DIP2C: variants seen among roughly 807,000 people sequenced by gnomAD.
The protein encoded by DIP2C is DIP2 acetate--CoA ligase C (putative).
A neutral mutation model predicts 192.4 loss-of-function variants in DIP2C; 33 were observed. That is an observed-to-expected ratio of 0.17 (90% CI 0.13 to 0.23). DIP2C has a LOEUF of 0.23. Ranked by LOEUF, DIP2C falls within the 10% of genes least tolerant of loss-of-function variation. The pLI, the probability that DIP2C is intolerant of heterozygous loss-of-function variation, is 1.00. For missense variants in DIP2C, 1,537 were observed against 2,110.1 expected (o/e 0.73, Z 5.32); for synonymous variants, 979 against 864.1 (o/e 1.13, Z -2.33).
intron 29 of DIP2C, among the ~76,000 whole-genome samples, chr10:338,160 G>A (rs1957961787): frequency 6.6e-6 from 1 of 152,240 alleles, no homozygotes; most frequent in Admixed American, 6.5e-5. Context: ...TAAGCTAAGT[G>A]TTTTTATAGA....
intron 1 of DIP2C, among the ~76,000 whole-genome samples, chr10:499,267 C>T (rs953520110): frequency 1.3e-5 from 2 of 152,158 alleles, no homozygotes; most frequent in Non-Finnish European, 2.9e-5. Flanking sequence ...TCGTTGGCAG[C>T]GCAGCCCTGA....
chr10:508,786 TGGCGA>T (rs1471934522), intron 1 of DIP2C, among the ~76,000 whole-genome samples: 1 of 152,170 alleles, frequency 6.6e-6, no homozygotes, highest in African/African-American at 2.4e-5. Context: ...ATACAGGAGA[TGGCGA>T]GACGAGACTG....
chr10:487,555 CCAT>C (rs970236337), intron 1 of DIP2C, among the ~76,000 whole-genome samples: 9 of 148,696 alleles, frequency 6.1e-5, no homozygotes, highest in African/African-American at 2.2e-4. Context: ...CCGCATCCGC[CCAT>C]CAATGAGTGT....
At chr10:448,300 C>CA (rs1439908586) in intron 3 of DIP2C, among the ~76,000 whole-genome samples, 3 of 131,630 alleles carry the variant, frequency 2.3e-5, no homozygotes, top group Admixed American at 7.7e-5. Flanking sequence ...CACAGTGGGT[C>CA]AGCAGGACCC....
At chr10:366,246 T>C in intron 19 of DIP2C, 29 bp downstream of exon 19, 10 of 1,608,540 alleles carry the variant, frequency 6.2e-6, no homozygotes, top group Non-Finnish European at 6.8e-6. Flanking sequence ...CCACAGATGG[T>C]GCCCATGGTA....
At chr10:490,215 TTCC>T (rs1844334288) in intron 1 of DIP2C, among the ~76,000 whole-genome samples, 1 of 152,230 alleles carries the variant, frequency 6.6e-6, no homozygotes, top group South Asian at 2.1e-4. Context: ...TGCCTGGGGC[TTCC>T]TCCATTTCAC....
At chr10:560,178 A>C (rs544953089) in intron 1 of DIP2C, among the ~76,000 whole-genome samples, 1 of 152,288 alleles carries the variant, frequency 6.6e-6, no homozygotes. Context: ...GTGTCCACTG[A>C]TCATCCCTCC....
rs183384983 is a variant in DIP2C, at chr10:515,584, C to T, written c.86-29054G>A. On this transcript the variant is annotated intron_variant, in intron 1 of 36. Coordinates refer to ENST00000280886, the MANE Select transcript of DIP2C (RefSeq NM_014974.3). ...CTAAAAATTTTTGTAATTAGCCAAG[C>T]GTGGTGGCATACACTAATAATCCCG... Among the ~76,000 whole-genome samples, 164 of 152,124 alleles carry T rather than the reference C, an allele frequency of 1.1e-3. 1 individual carries two copies. Among genetic ancestry groups the T allele is most frequent in the Non-Finnish European group, 1.2e-3 (82 of 68,000 alleles).
chr10:288,460 C>G (rs758825231), intron 32 of DIP2C, 39 bp from the exon 33 acceptor site: 1 of 1,608,456 alleles, frequency 6.2e-7, no homozygotes, highest in Admixed American at 1.7e-5. Context: ...GATGTGTTTG[C>G]TGTCCAGTTT....
chr10:547,558 G>A (rs1341384389), intron 1 of DIP2C, among the ~76,000 whole-genome samples: 1 of 152,184 alleles, frequency 6.6e-6, no homozygotes, highest in Non-Finnish European at 1.5e-5. Flanking sequence ...AGGAGGAAGG[G>A]AGGGTGGAGA....
rs184553244 is a variant in DIP2C, at chr10:560,906, C to A, written c.86-74376G>T. ...GGAAACATTCACAATCTATTCTCTT[C>A]AAAGCTACCTGGAGGCATCCCTCCA... On this transcript the variant is annotated intron_variant, in intron 1 of 36. Transcript: ENST00000280886. Among the ~76,000 whole-genome samples, 172 of 152,264 alleles carry A rather than the reference C, an allele frequency of 1.1e-3. 1 individual carries two copies. The East Asian group carries it at 0.031, about 27-fold the overall frequency.
chr10:436,085 G>A (rs1466364639), intron 4 of DIP2C, among the ~76,000 whole-genome samples: 1 of 151,946 alleles, frequency 6.6e-6, no homozygotes, highest in Non-Finnish European at 1.5e-5. Context: ...ATATTAACTG[G>A]TGTCTTTCAC....
At chr10:624,235 T>C (rs756611211) in intron 1 of DIP2C, among the ~76,000 whole-genome samples, 1 of 152,202 alleles carries the variant, frequency 6.6e-6, no homozygotes, top group Non-Finnish European at 1.5e-5. Context: ...CAGCTGAAGC[T>C]TTGCTGTCAC....
At chr10:443,252 T>C (rs557951967) in intron 3 of DIP2C, among the ~76,000 whole-genome samples, 1 of 152,336 alleles carries the variant, frequency 6.6e-6, no homozygotes, top group African/African-American at 2.4e-5. Context: ...TTTCCTGCCA[T>C]TCCTTCTAAA....
At chr10:302,158 T>A (rs182342274) in intron 32 of DIP2C, among the ~76,000 whole-genome samples, 1 of 152,208 alleles carries the variant, frequency 6.6e-6, no homozygotes, top group East Asian at 1.9e-4. Context: ...TGTATATCCA[T>A]GTAAAGGTAT....
intron 29 of DIP2C, among the ~76,000 whole-genome samples, chr10:334,473 G>A (rs1957660168): frequency 1.3e-5 from 2 of 151,994 alleles, no homozygotes; most frequent in Admixed American, 6.6e-5. Context: ...CAGTTTATCA[G>A]TATTTATGTA....
intron 22 of DIP2C, among the ~76,000 whole-genome samples, chr10:359,707 C>T (rs77480990): frequency 0.026 from 4,000 of 152,290 alleles, 81 homozygotes; most frequent in Admixed American, 0.057. Flanking sequence ...GATCTCAGAA[C>T]ACAACACCCG....
intron 33 of DIP2C, among the ~76,000 whole-genome samples, chr10:288,091 T>C (rs557079659): frequency 2.6e-5 from 4 of 152,222 alleles, no homozygotes; most frequent in African/African-American, 9.6e-5. Context: ...CCCCTGGTAA[T>C]TGGGCTCCAA....
Position 384,035 on chromosome 10 carries a change from G to A in DIP2C, c.1868C>T (p.Ala623Val), listed in dbSNP as rs772128068. Reference protein sequence around the residue: ...SLRMLIVADGANPWSISSCDA... With the variant: ...SLRMLIVADGVNPWSISSCDA... The stretch of plus-strand genomic sequence containing the variant: ...ACACGCTCCTCACTTACAGGGGTTC[G>A]CGCCGTCCGCCACTATCAGCATTCG... Residue 623 changes from alanine to valine, a missense_variant, in exon 16 of 37, where the codon GCG becomes GTG. Transcript: ENST00000280886. 9 of 1,597,996 alleles carry A rather than the reference G, an allele frequency of 5.6e-6. No individual in the cohort carries two copies. Among genetic ancestry groups the A allele is most frequent in the Non-Finnish European group, 6.8e-6 (8 of 1,175,326 alleles).
Sources: gnomAD v4.1 joint callset for allele counts (sites outside exome capture counted in the v4.1 genomes callset) on GRCh38, gnomAD v4.1.1 for gene constraint, MANE v1.5 for transcripts, NCBI Gene and HGNC (gene_info 2026-07-23, HGNC 2026-07-21) for gene names.